MED26: variants seen among roughly 807,000 people sequenced by gnomAD.
MED26 encodes the protein mediator complex subunit 26.
In MED26, 7 loss-of-function variants were observed where a neutral mutation model predicts 43.7. The observed-to-expected ratio is 0.16, with a 90% CI of 0.09 to 0.30. The LOEUF is 0.30. Among genes scored for constraint, MED26 ranks in the 10% least tolerant of loss-of-function variants. The probability of loss-of-function intolerance (pLI) is 1.00; values close to 1 mark genes in which losing one functional copy is unlikely to be tolerated. For synonymous variants in MED26, 375 were observed against 371.1 expected (o/e 1.01, Z -0.12); for missense variants, 784 against 840.6 (o/e 0.93, Z 0.83).
Position 16,577,047 on chromosome 19 carries a change from C to T in MED26, c.783G>A (p.Gly261=), listed in dbSNP as rs746497741. ...GAGGGGGTCCCTTGGGATGGGGAGG[C>T]CCCGGAGTCTCGTCCACCCTGTCCA... ...QQLDRVDETP[G]PPHPKGPPRC... Residue 261 remains glycine, a synonymous_variant, in exon 3 of 3, where the codon GGG becomes GGA. Transcript: ENST00000263390. The surrounding 1 kb of genome is among the most constrained non-coding windows in gnomAD (Gnocchi z 8.1). 6 of 1,608,100 alleles carry T rather than the reference C, an allele frequency of 3.7e-6. No individual in the cohort carries two copies. The African/African-American group carries it at 6.7e-5, about 18-fold the overall frequency.
chr19:16,576,205 C>T lies in MED26; in HGVS notation c.1625G>A (p.Gly542Asp). ...VPQSPPTDLP[G>D]LTREVTQDDL... ...GTCCTGTGTGACCTCCCGGGTCAGA[C>T]CAGGGAGGTCCGTGGGCGGGCTTTG... Residue 542 changes from glycine (G) to aspartate (D), a missense_variant, in exon 3 of 3, where the codon GGT becomes GAT. Around this residue, in one of 3 missense-constraint regions of MED26, gnomAD observed 719 missense variants for 730.9 expected, o/e 0.98. Coordinates refer to ENST00000263390, the MANE Select transcript of MED26 (RefSeq NM_004831.5). The surrounding 1 kb of genome is among the most constrained non-coding windows in gnomAD (Gnocchi z 6.8). The T allele has an allele frequency of 3.7e-6, 6 of 1,612,470 alleles. No homozygotes were observed. The highest frequency in any genetic ancestry group is 5.1e-6 in the Non-Finnish European group (6 of 1,180,010).
chr19:16,581,808 A>C (rs2122385318), intron 1 of MED26, among the ~76,000 whole-genome samples: 1 of 152,348 alleles, frequency 6.6e-6, no homozygotes, highest in African/African-American at 2.4e-5. Flanking sequence ...CTTATGAGCC[A>C]CGCTTAAGCG....
At chr19:16,617,546 C>A (rs899067951) in intron 1 of MED26, among the ~76,000 whole-genome samples, 9 of 152,250 alleles carry the variant, frequency 5.9e-5, no homozygotes, top group Non-Finnish European at 1.0e-4. Context: ...ATCCACAAGA[C>A]AGGCGGACAC....
chr19:16,591,337 T>G (rs1391084533), intron 1 of MED26, among the ~76,000 whole-genome samples: 1 of 151,730 alleles, frequency 6.6e-6, no homozygotes, highest in East Asian at 1.9e-4. Flanking sequence ...AAAGATACAC[T>G]TGAGAATGCA....
intron 1 of MED26, among the ~76,000 whole-genome samples, chr19:16,603,469 TAA>T (rs889511985): frequency 6.6e-6 from 1 of 150,376 alleles, no homozygotes; most frequent in African/African-American, 2.4e-5. Context: ...GGGCTTTTTT[TAA>T]AAAAAAAATT....
intron 1 of MED26, among the ~76,000 whole-genome samples, chr19:16,623,745 C>T (rs528845359): frequency 3.9e-5 from 6 of 152,332 alleles, no homozygotes; most frequent in South Asian, 2.1e-4. Flanking sequence ...GTGCCTCTTC[C>T]GGAGCCATCT....
intron 1 of MED26, among the ~76,000 whole-genome samples, chr19:16,585,720 A>C (rs1342693650): frequency 6.6e-6 from 1 of 151,938 alleles, no homozygotes; most frequent in African/African-American, 2.4e-5. Context: ...GGAAGACTAG[A>C]CTCTTCTGAA....
At chr19:16,622,015 T>C (rs1166399370) in intron 1 of MED26, among the ~76,000 whole-genome samples, 2 of 152,176 alleles carry the variant, frequency 1.3e-5, no homozygotes, top group African/African-American at 4.8e-5. Context: ...GAGGGAAAAC[T>C]GTGCAATAAT....
intron 1 of MED26, among the ~76,000 whole-genome samples, chr19:16,612,413 T>C (rs973023193): frequency 6.6e-6 from 1 of 151,020 alleles, no homozygotes; most frequent in African/African-American, 2.4e-5. Context: ...GCCTCCCGAG[T>C]AGCTGGGACT....
At chr19:16,612,377 A>G (rs1265794755) in intron 1 of MED26, among the ~76,000 whole-genome samples, 1 of 151,728 alleles carries the variant, frequency 6.6e-6, no homozygotes, top group African/African-American at 2.4e-5. Flanking sequence ...CTCAGCCTAC[A>G]CAGCTCAAGC....
intron 2 of MED26, chr19:16,578,125 T>C (rs1212270233): frequency 8.4e-6 from 5 of 597,926 alleles, no homozygotes; most frequent in Non-Finnish European, 1.5e-5. Flanking sequence ...CGAAGTGTGC[T>C]GGGCATGTAG....
In MED26 at chr19:16,628,067, G is replaced by C; in HGVS notation, c.-124C>G. 4.1e-6 allele frequency: 2 copies of C among 484,696 alleles called. No homozygotes were observed. The highest frequency in any genetic ancestry group is 6.6e-6 in the Non-Finnish European group (2 of 303,564). 30.0% of individuals were successfully genotyped at this position (484,696 alleles called of 1,614,324 possible). On this transcript the variant is annotated 5_prime_UTR_variant, in exon 1 of 3. Coordinates refer to ENST00000263390, the MANE Select transcript of MED26 (RefSeq NM_004831.5). The stretch of plus-strand genomic sequence containing the variant: ...CGCATGTTCCCCGCGGCGCCGGGGG[G>C]TTGGGGGCGCGCGGGGTGGCGGAGA...
chr19:16,577,340 T>C lies in MED26; in HGVS notation c.490A>G (p.Lys164Glu). ...RDLGHPGPPP[K>E]VSKASHDPLV... is the part of the protein sequence containing the mutation. ...GGGTCGTGGCTAGCTTTGGAGACCT[T>C]GGGTGGCGGCCCTGGGTGGCCGAGG... The change falls in exon 3 of 3, where the codon AAG becomes GAG. Residue 164 changes from lysine (K) to glutamate (E), a missense_variant. Coordinates refer to ENST00000263390, the MANE Select transcript of MED26 (RefSeq NM_004831.5). The surrounding 1 kb of genome is among the most constrained non-coding windows in gnomAD (Gnocchi z 8.1). 1 of 1,611,820 alleles carries C rather than the reference T, an allele frequency of 6.2e-7. No individual in the cohort carries two copies. Among genetic ancestry groups the C allele is most frequent in the Non-Finnish European group, 8.5e-7 (1 of 1,179,122 alleles).
intron 1 of MED26, among the ~76,000 whole-genome samples, chr19:16,626,222 C>T (rs2086274046): frequency 6.6e-6 from 1 of 152,276 alleles, no homozygotes. Context: ...AATATCTCAG[C>T]AACCTCTCAG....
intron 1 of MED26, among the ~76,000 whole-genome samples, chr19:16,621,351 A>C (rs2086250774): frequency 6.6e-6 from 1 of 152,274 alleles, no homozygotes; most frequent in African/African-American, 2.4e-5. Context: ...GTAAGTGCTC[A>C]GTAAACAGCG....
In MED26 at chr19:16,606,824, T is replaced by C. The variant is rs78740754; in HGVS notation, c.72+21048A>G. ...TGGTGTCTGGCATCAGGAGCACTTTTGCAGGTTTGGTGGGAACCCAAACCC... is the reference window on the plus strand; with the variant it reads ...TGGTGTCTGGCATCAGGAGCACTTTCGCAGGTTTGGTGGGAACCCAAACCC... On this transcript the variant is annotated intron_variant, in intron 1 of 2. Coordinates refer to ENST00000263390, the MANE Select transcript of MED26 (RefSeq NM_004831.5). Among the ~76,000 whole-genome samples, 36 of 152,342 alleles carry C rather than the reference T, an allele frequency of 2.4e-4. No individual in the cohort carries two copies. In the East Asian group the frequency reaches 5.8e-3, roughly 24 times the overall value.
chr19:16,616,251 A>G (rs1371681185), intron 1 of MED26, among the ~76,000 whole-genome samples: 1 of 152,188 alleles, frequency 6.6e-6, no homozygotes, highest in Non-Finnish European at 1.5e-5. Flanking sequence ...CATTTTTTAC[A>G]TCTTTCTGGA....
At chr19:16,627,210 C>T (rs1394355210) in intron 1 of MED26, among the ~76,000 whole-genome samples, 1 of 152,154 alleles carries the variant, frequency 6.6e-6, no homozygotes, top group Non-Finnish European at 1.5e-5. Context: ...AGAAAGGCAA[C>T]AGGAAGGATC....
intron 1 of MED26, among the ~76,000 whole-genome samples, chr19:16,605,295 A>C (rs1599342525): frequency 6.6e-6 from 1 of 152,178 alleles, no homozygotes; most frequent in East Asian, 1.9e-4. Flanking sequence ...AAATTGTTGG[A>C]GGTAGAATCA....
Sources: gnomAD v4.1 joint callset for allele counts (sites outside exome capture counted in the v4.1 genomes callset) on GRCh38, gnomAD v4.1.1 for gene constraint, gnomAD v4.1.1 regional missense constraint, Gnocchi (gnomAD v3.1) non-coding constraint, MANE v1.5 for transcripts, NCBI Gene and HGNC (gene_info 2026-07-23, HGNC 2026-07-21) for gene names.